The following FTCDNL1 variants were observed in gnomAD, a reference collection of about 807,000 sequenced individuals.
FTCDNL1 encodes formiminotransferase cyclodeaminase N-terminal like.
Under a neutral mutation model 5.9 loss-of-function variants are expected in FTCDNL1, and 11 were observed. The ratio of observed to expected loss-of-function variants is 1.87; its 90% confidence interval spans 1.18 to 3.10. The LOEUF (loss-of-function observed/expected upper bound fraction) is 3.10, where lower values mean the gene tolerates loss of function less well. Among genes scored for constraint, FTCDNL1 ranks in the 30% most tolerant of loss-of-function variants. The pLI, the probability that FTCDNL1 is intolerant of heterozygous loss-of-function variation, is 0.00. For missense variants in FTCDNL1, 115 were observed against 65.5 expected (o/e 1.76, Z -2.61); for synonymous variants, 58 against 24.8 (o/e 2.34, Z -3.99).
At chr2:199,750,130 G>A in the FTCDNL1 span, among the ~76,000 whole-genome samples, 56 of 151,750 alleles carry the variant, frequency 3.7e-4, no homozygotes, top group Non-Finnish European at 6.6e-4. Flanking sequence ...GAGGCAGGTG[G>A]AACTCTTGAG....
downstream of FTCDNL1, among the ~76,000 whole-genome samples, chr2:199,808,238 T>C (rs1055548323): frequency 2.0e-5 from 3 of 152,226 alleles, no homozygotes; most frequent in African/African-American, 7.2e-5. Flanking sequence ...CTTTTCTTTA[T>C]AAATTGCCTA....
chr2:199,842,626 C>A (rs1174056247), intron 3 of FTCDNL1, among the ~76,000 whole-genome samples: 1 of 152,162 alleles, frequency 6.6e-6, no homozygotes, highest in Non-Finnish European at 1.5e-5. Flanking sequence ...TCATCCTGGA[C>A]CCACCTTAAG....
chr2:199,815,181 C>T (rs1306401258), intron 4 of FTCDNL1, among the ~76,000 whole-genome samples: 2 of 151,932 alleles, frequency 1.3e-5, no homozygotes, highest in Non-Finnish European at 2.9e-5. Flanking sequence ...ACTGCTTTGC[C>T]CTTATTTATG....
At chr2:199,710,201 T>C in the FTCDNL1 span, among the ~76,000 whole-genome samples, 72 of 152,172 alleles carry the variant, frequency 4.7e-4, 1 homozygote, top group Admixed American at 4.7e-3. Context: ...CACATTTTTG[T>C]GCTTTTTGAT....
chr2:199,692,924 AG>A, the FTCDNL1 span, among the ~76,000 whole-genome samples: 4 of 152,262 alleles, frequency 2.6e-5, no homozygotes, highest in Non-Finnish European at 4.4e-5. Flanking sequence ...TACACAATAA[AG>A]AAAATGGCTG....
At chr2:199,826,370 T>C (rs567915331) in intron 3 of FTCDNL1, among the ~76,000 whole-genome samples, 41 of 151,400 alleles carry the variant, frequency 2.7e-4, no homozygotes, top group Non-Finnish European at 5.6e-4. Context: ...ATTTGGGAGA[T>C]CTTGAACAAT....
chr2:199,681,666 C>T, the FTCDNL1 span, among the ~76,000 whole-genome samples: 2 of 152,130 alleles, frequency 1.3e-5, no homozygotes, highest in African/African-American at 2.4e-5. Flanking sequence ...AAAAGAGGAT[C>T]ATGAGAACCT....
the FTCDNL1 span, among the ~76,000 whole-genome samples, chr2:199,744,467 C>G: frequency 2.7e-5 from 4 of 149,574 alleles, no homozygotes; most frequent in Non-Finnish European, 6.0e-5. Context: ...GAGAGAGAGA[C>G]AGAGAGAGAA....
the FTCDNL1 span, among the ~76,000 whole-genome samples, chr2:199,686,566 T>C: frequency 1.1e-4 from 17 of 152,318 alleles, no homozygotes; most frequent in Admixed American, 7.2e-4. Context: ...GAATATATTA[T>C]GAAATGATTG....
intron 1 of FTCDNL1, among the ~76,000 whole-genome samples, chr2:199,849,870 A>T (rs1462143365): frequency 6.6e-6 from 1 of 152,218 alleles, no homozygotes; most frequent in East Asian, 1.9e-4. Context: ...TCATGAATTC[A>T]TTCAACAAAT....
chr2:199,742,849 A>T, the FTCDNL1 span, among the ~76,000 whole-genome samples: 1 of 152,230 alleles, frequency 6.6e-6, no homozygotes, highest in Non-Finnish European at 1.5e-5. Flanking sequence ...TTCACAAAGG[A>T]GGAGGAAGAA....
the FTCDNL1 span, among the ~76,000 whole-genome samples, chr2:199,739,812 T>G: frequency 3.0e-4 from 46 of 152,312 alleles, no homozygotes; most frequent in African/African-American, 9.9e-4. Flanking sequence ...TGGAAGTGCT[T>G]TTGTTTAATG....
chr2:199,679,780 C>T, the FTCDNL1 span, among the ~76,000 whole-genome samples: 1 of 152,002 alleles, frequency 6.6e-6, no homozygotes, highest in Non-Finnish European at 1.5e-5. Context: ...TTCCCCTATC[C>T]TTTCCTGCAT....
the FTCDNL1 span, among the ~76,000 whole-genome samples, chr2:199,689,807 G>A: frequency 3.3e-3 from 281 of 85,638 alleles, 1 homozygote; most frequent in African/African-American, 8.9e-3. Context: ...GAGAAACTCC[G>A]TCTAAAAAAA....
chr2:199,671,164 T>C, the FTCDNL1 span, among the ~76,000 whole-genome samples: 1 of 65,402 alleles, frequency 1.5e-5, no homozygotes, highest in Non-Finnish European at 4.0e-5. Flanking sequence ...ATTAAATCCA[T>C]GGCAAAAAAA....
chr2:199,733,272 T>A, the FTCDNL1 span, among the ~76,000 whole-genome samples: 1 of 152,138 alleles, frequency 6.6e-6, no homozygotes, highest in Non-Finnish European at 1.5e-5. Flanking sequence ...CATAGAAGAT[T>A]TGTGAGAAAA....
intron 3 of FTCDNL1, among the ~76,000 whole-genome samples, chr2:199,782,030 G>A (rs1256013679): frequency 2.0e-5 from 3 of 152,108 alleles, no homozygotes; most frequent in Admixed American, 6.5e-5. Flanking sequence ...TGATCTTGCC[G>A]CCTCAGCCTC....
intron 3 of FTCDNL1, among the ~76,000 whole-genome samples, chr2:199,777,274 CAG>C: frequency 6.6e-6 from 1 of 151,774 alleles, no homozygotes; most frequent in Non-Finnish European, 1.5e-5. Flanking sequence ...GCCTGGGTGA[CAG>C]AGCAAGACTC....
Position 199,823,552 on chromosome 2 carries a change from C to T in FTCDNL1, c.212-3795G>A, listed in dbSNP as rs143788519. Among the ~76,000 whole-genome samples the T allele has an allele frequency of 2.7e-3, 405 of 152,328 alleles. 1 individual carries two copies. The highest frequency in any genetic ancestry group is 9.5e-3 in the African/African-American group (394 of 41,564). ...GTTGTGTTAGCAGGCATGAAAACAA[C>T]ATTAATCTCCTTGTACATCTCCATC... On this transcript the variant is annotated intron_variant, in intron 3 of 4. Transcript: ENST00000420128.
Sources: allele counts gnomAD v4.1 joint callset (sites outside exome capture counted in the v4.1 genomes callset), GRCh38; gene constraint gnomAD v4.1.1; transcripts MANE v1.5; gene names NCBI Gene and HGNC (gene_info 2026-07-23, HGNC 2026-07-21).